EML6: variants seen among roughly 807,000 people sequenced by gnomAD.
EML6 encodes the protein EMAP like 6.
EML6 carries 154 observed loss-of-function variants against 240.1 expected under a neutral mutation model. The ratio of observed to expected loss-of-function variants is 0.64; its 90% CI spans 0.56 to 0.73. EML6 has a LOEUF of 0.73. Among genes scored for constraint, EML6 ranks in the 30% least tolerant of loss-of-function variants. The probability of loss-of-function intolerance (pLI) is 0.00; values close to 1 mark genes in which losing one functional copy is unlikely to be tolerated. For synonymous variants in EML6, 1,148 were observed against 899.0 expected, an observed-to-expected ratio of 1.28 and a Z score of -4.95; for missense variants, 2,964 against 2,474.6, an observed-to-expected ratio of 1.20 and a Z score of -4.20.
In EML6 at chr2:54,899,287, A is replaced by G. The variant is rs1672933693; in HGVS notation, c.2983-354A>G. Among the ~76,000 whole-genome samples the G allele has an allele frequency of 2.6e-5, 4 of 152,224 alleles. No homozygotes were observed. In the South Asian group the frequency reaches 8.3e-4, roughly 32 times the overall value. ...AAGCTGCTTTACTAGGAGGGTACATATATACTATGTTTATTTAGTATGAAA... is the reference window on the plus strand; with the variant it reads ...AAGCTGCTTTACTAGGAGGGTACATGTATACTATGTTTATTTAGTATGAAA... On this transcript the variant is annotated intron_variant, in intron 21 of 41. Coordinates refer to ENST00000356458, the MANE Select transcript of EML6 (RefSeq NM_001039753.4).
At chr2:54,808,697 T>C (rs1241807323) in intron 2 of EML6, among the ~76,000 whole-genome samples, 1 of 152,226 alleles carries the variant, frequency 6.6e-6, no homozygotes. Flanking sequence ...GAATGATTAA[T>C]ATTGATGAGT....
At chr2:54,883,993 G>C (rs1442423053) in intron 17 of EML6, among the ~76,000 whole-genome samples, 1 of 152,126 alleles carries the variant, frequency 6.6e-6, no homozygotes, top group East Asian at 1.9e-4. Context: ...TCTGCACAGA[G>C]ACTTCTGTGA....
intron 28 of EML6, among the ~76,000 whole-genome samples, chr2:54,933,456 C>T (rs1674966191): frequency 6.6e-6 from 1 of 152,108 alleles, no homozygotes; most frequent in Non-Finnish European, 1.5e-5. Flanking sequence ...ATATATAGGC[C>T]AGGCACGGTG....
intron 33 of EML6, 118 bp from the exon 34 acceptor site, chr2:54,958,986 A>G (rs1676366399): frequency 1.0e-6 from 1 of 959,738 alleles, no homozygotes; most frequent in East Asian, 2.8e-5. Context: ...GCACAAAGAG[A>G]TCAAACTGCC....
intron 14 of EML6, chr2:54,867,393 T>G (rs566753045): frequency 6.6e-6 from 1 of 152,562 alleles, no homozygotes; most frequent in Non-Finnish European, 1.5e-5. Context: ...ACTATCTGTA[T>G]TATGAATACA....
At chr2:54,781,946 G>C (rs1366872763) in intron 2 of EML6, among the ~76,000 whole-genome samples, 3 of 152,180 alleles carry the variant, frequency 2.0e-5, no homozygotes, top group Non-Finnish European at 4.4e-5. Context: ...TGGGATCACA[G>C]GTGTGAGCCA....
chr2:54,801,192 C>A (rs190838796), intron 2 of EML6, among the ~76,000 whole-genome samples: 1 of 151,720 alleles, frequency 6.6e-6, no homozygotes, highest in Non-Finnish European at 1.5e-5. Context: ...TGGTGGTGGG[C>A]GCCTGTAGTC....
chr2:54,901,624 T>C (rs530663938), intron 22 of EML6, among the ~76,000 whole-genome samples: 1 of 152,374 alleles, frequency 6.6e-6, no homozygotes, highest in East Asian at 1.9e-4. Context: ...GTCTGTACGA[T>C]AGATTGTGAT....
In EML6 at chr2:54,725,032, G is replaced by A; in HGVS notation, c.-30G>A. 2 of 1,478,890 alleles carry A rather than the reference G, an allele frequency of 1.4e-6. No individual in the cohort carries two copies. Among genetic ancestry groups the A allele is most frequent in the East Asian group, 3.0e-5 (1 of 33,572 alleles). 91.6% of individuals were successfully genotyped at this position (1,478,890 alleles called of 1,614,324 possible). On this transcript the variant is annotated 5_prime_UTR_variant, in exon 2 of 42. Transcript: ENST00000356458. The surrounding 1 kb of genome is among the most constrained non-coding windows in gnomAD (Gnocchi z 4.3). ...GGCGAGGACGGCCCCGGCGCGCGGG[G>A]GGGCGGGGGGCGCGCGGGGTCGGCT...
At chr2:54,788,006 A>C (rs1669180580) in intron 2 of EML6, among the ~76,000 whole-genome samples, 1 of 151,980 alleles carries the variant, frequency 6.6e-6, no homozygotes, top group Non-Finnish European at 1.5e-5. Flanking sequence ...AGCACACCCC[A>C]CAGCTGTTGA....
At chr2:54,760,244 C>T (rs1396433401) in intron 2 of EML6, among the ~76,000 whole-genome samples, 1 of 150,320 alleles carries the variant, frequency 6.7e-6, no homozygotes, top group East Asian at 1.9e-4. Flanking sequence ...CCAAATGAAG[C>T]TTTCATTTCC....
chr2:54,741,007 A>G (rs947189083), intron 2 of EML6, among the ~76,000 whole-genome samples: 10 of 152,130 alleles, frequency 6.6e-5, no homozygotes, highest in African/African-American at 1.4e-4. Context: ...TTTATAATCT[A>G]TGGGAGAAAA....
chr2:54,893,512 C>A (rs1244820867), intron 19 of EML6, among the ~76,000 whole-genome samples: 1 of 152,142 alleles, frequency 6.6e-6, no homozygotes, highest in Non-Finnish European at 1.5e-5. Flanking sequence ...CTGAAAGTTC[C>A]CACATCTTAG....
chr2:54,926,495 T>G (rs1200142646), intron 26 of EML6, among the ~76,000 whole-genome samples: 1 of 152,234 alleles, frequency 6.6e-6, no homozygotes, highest in African/African-American at 2.4e-5. Context: ...GTGTAACAAG[T>G]GCAGTTTGGC....
chr2:54,913,308 T>C (rs909020825), intron 25 of EML6, among the ~76,000 whole-genome samples: 2 of 151,706 alleles, frequency 1.3e-5, no homozygotes, highest in African/African-American at 4.9e-5. Context: ...AGTGTAGCGG[T>C]ACCATCACGG....
intron 2 of EML6, among the ~76,000 whole-genome samples, chr2:54,726,452 T>A (rs1682912756): frequency 6.6e-6 from 1 of 152,202 alleles, no homozygotes; most frequent in Non-Finnish European, 1.5e-5. Flanking sequence ...AGCCTTTTTT[T>A]TTTCTGAGAC....
intron 7 of EML6, among the ~76,000 whole-genome samples, chr2:54,838,019 A>G (rs1179936967): frequency 6.6e-6 from 1 of 152,226 alleles, no homozygotes; most frequent in Admixed American, 6.5e-5. Context: ...TTTCTTCCCC[A>G]AATGGTTTGT....
intron 2 of EML6, among the ~76,000 whole-genome samples, chr2:54,776,057 A>G (rs527256827): frequency 4.6e-5 from 7 of 152,240 alleles, no homozygotes; most frequent in Admixed American, 2.6e-4. Context: ...GTCTTTATCT[A>G]GTTTTGATAA....
intron 2 of EML6, among the ~76,000 whole-genome samples, chr2:54,767,985 G>C (rs1668255974): frequency 6.6e-6 from 1 of 152,104 alleles, no homozygotes; most frequent in East Asian, 1.9e-4. Flanking sequence ...ATCACATTCA[G>C]AGTAATGATT....
Sources: allele counts gnomAD v4.1 joint callset (sites outside exome capture counted in the v4.1 genomes callset), GRCh38; gene constraint gnomAD v4.1.1; non-coding constraint Gnocchi (gnomAD v3.1); transcripts MANE v1.5; gene names NCBI Gene and HGNC (gene_info 2026-07-23, HGNC 2026-07-21).